The following AGAP1 variants were observed in gnomAD, a reference collection of about 807,000 sequenced individuals.
The protein encoded by AGAP1 is ArfGAP with GTPase domain, ankyrin repeat and PH domain 1.
AGAP1 carries 29 observed loss-of-function variants against 105.3 expected under a neutral mutation model. That is an observed-to-expected ratio of 0.28 (90% CI 0.21 to 0.38). The LOEUF (loss-of-function observed/expected upper bound fraction) is 0.38, where lower values mean the gene tolerates loss of function less well. AGAP1 is among the 10% of genes least tolerant of loss of function. AGAP1 has a pLI of 1.00. For synonymous variants in AGAP1, 509 were observed against 485.9 expected, an observed-to-expected ratio of 1.05 and a Z score of -0.63; for missense variants, 998 against 1,165.1, an observed-to-expected ratio of 0.86 and a Z score of 2.09.
chr2:235,830,837 C>G lies in AGAP1; in HGVS notation c.1050+23506C>G, dbSNP rs573402669. Among the ~76,000 whole-genome samples, 48 of 152,284 alleles carry G rather than the reference C, an allele frequency of 3.2e-4. No individual in the cohort carries two copies. Among genetic ancestry groups the G allele is most frequent in the Non-Finnish European group, 5.4e-4 (37 of 68,026 alleles). ...CCTCATTCTTCTCAGGTCCACCTGT[C>G]GGTAGGCCCAGTAGTCAACTCCTAA... On this transcript the variant is annotated intron_variant, in intron 9 of 17. Coordinates refer to ENST00000304032, the MANE Select transcript of AGAP1 (RefSeq NM_001037131.3). The surrounding 1 kb of genome is among the most constrained non-coding windows in gnomAD (Gnocchi z 5.5).
intron 16 of AGAP1, among the ~76,000 whole-genome samples, chr2:236,069,406 C>T (rs948365209): frequency 6.6e-6 from 1 of 152,034 alleles, no homozygotes; most frequent in East Asian, 1.9e-4. Context: ...ATGAGCATAG[C>T]ACATGATATA....
rs185184806 is a variant in AGAP1 at position 235,569,591 on chromosome 2, T to G, written c.163+74742T>G. 2.1e-3 allele frequency among the ~76,000 whole-genome samples: 324 copies of G among 152,248 alleles called. 1 individual carries two copies. Among genetic ancestry groups the G allele is most frequent in the African/African-American group, 7.6e-3 (314 of 41,560 alleles). On this transcript the variant is annotated intron_variant, in intron 1 of 17. Coordinates refer to ENST00000304032, the MANE Select transcript of AGAP1 (RefSeq NM_001037131.3). The surrounding 1 kb of genome is among the most constrained non-coding windows in gnomAD (Gnocchi z 5.9). Reference sequence around the variant, plus strand: ...AGCATGGTCTGTGAGCAAACCTTCCTGTGGATAGGTTTGGAGGATTCGAAG... The same window carrying G: ...AGCATGGTCTGTGAGCAAACCTTCCGGTGGATAGGTTTGGAGGATTCGAAG...
At chr2:236,100,123 A>G (rs1236467778) in intron 16 of AGAP1, among the ~76,000 whole-genome samples, 1 of 149,820 alleles carries the variant, frequency 6.7e-6, no homozygotes, top group African/African-American at 2.5e-5. Context: ...TTGCAACCGT[A>G]GAGATCCACA....
chr2:235,714,064 A>G lies in AGAP1; in HGVS notation c.223-3493A>G, dbSNP rs1950976996. On this transcript the variant is annotated intron_variant, in intron 2 of 17. Coordinates refer to ENST00000304032, the MANE Select transcript of AGAP1 (RefSeq NM_001037131.3). The surrounding 1 kb of genome is among the most constrained non-coding windows in gnomAD (Gnocchi z 4.1). ...AGTCTCACTCTGTCGCCCAGGCTGG[A>G]GTGCGGTGGTGCAATCTCAGCTCAC... Among the ~76,000 whole-genome samples the G allele has an allele frequency of 6.6e-6, 1 of 151,940 alleles. No homozygotes were observed. The highest frequency in any genetic ancestry group is 6.6e-5 in the Admixed American group (1 of 15,252).
rs534279260 is a variant in AGAP1 at position 235,506,765 on chromosome 2, A to G, written c.163+11916A>G. 5.9e-5 allele frequency among the ~76,000 whole-genome samples: 9 copies of G among 152,258 alleles called. No individual in the cohort carries two copies. In the South Asian group the frequency reaches 1.9e-3, roughly 32 times the overall value. On this transcript the variant is annotated intron_variant, in intron 1 of 17. Coordinates refer to ENST00000304032, the MANE Select transcript of AGAP1 (RefSeq NM_001037131.3). ...GCACACACTCTTGTTTTCCTCACTCACATCCATGTTCATCCTCTTTCCTGT... is the reference window on the plus strand; with the variant it reads ...GCACACACTCTTGTTTTCCTCACTCGCATCCATGTTCATCCTCTTTCCTGT...
intron 9 of AGAP1, among the ~76,000 whole-genome samples, chr2:235,836,888 G>A (rs2106371317): frequency 6.6e-6 from 1 of 152,062 alleles, no homozygotes; most frequent in South Asian, 2.1e-4. Context: ...TACATTCACA[G>A]TTAACTTTCT....
rs1415734142 is a variant in AGAP1, at chr2:235,494,397, C to T, written c.-290C>T. 1 of 143,954 alleles carries T rather than the reference C, an allele frequency of 6.9e-6. No homozygotes were observed. Among genetic ancestry groups the T allele is most frequent in the African/African-American group, 2.5e-5 (1 of 40,166 alleles). 8.9% of individuals were successfully genotyped at this position (143,954 alleles called of 1,614,324 possible). A position where few individuals can be genotyped will look rare whatever the true frequency, so the allele number is the denominator to read the frequency against. On this transcript the variant is annotated 5_prime_UTR_variant, in exon 1 of 18. Coordinates refer to ENST00000304032, the MANE Select transcript of AGAP1 (RefSeq NM_001037131.3). ...CGAGCAAGCCTCCTTCGGGGCCGGC[C>T]GCACCCGCCGCGGCGCGCTCCATGG...
At chr2:235,683,883 T>C (rs534707496) in intron 1 of AGAP1, among the ~76,000 whole-genome samples, 118 of 146,406 alleles carry the variant, frequency 8.1e-4, no homozygotes, top group Non-Finnish European at 1.3e-3. Context: ...GTGTGTGATG[T>C]TCCCCGCCCT....
At chr2:235,698,731 G>C (rs554350878) in intron 1 of AGAP1, among the ~76,000 whole-genome samples, 2 of 152,198 alleles carry the variant, frequency 1.3e-5, no homozygotes, top group Non-Finnish European at 2.9e-5. Flanking sequence ...CTGGCGTTCT[G>C]GTGGTGGCGC....
intron 1 of AGAP1, among the ~76,000 whole-genome samples, chr2:235,576,679 G>A (rs1327483360): frequency 6.6e-6 from 1 of 152,260 alleles, no homozygotes; most frequent in African/African-American, 2.4e-5. Context: ...GAACTCTAGA[G>A]AGGAGGGGGA....
Position 235,750,632 on chromosome 2 carries a change from C to T in AGAP1, c.673+144C>T. 8.3e-7 allele frequency: 1 copy of T among 1,208,872 alleles called. No individual in the cohort carries two copies. The highest frequency in any genetic ancestry group is 1.5e-5 in the African/African-American group (1 of 67,234). The allele number at this position is 1,208,872 out of a possible 1,614,324, so 74.9% of individuals were successfully genotyped here. A position where few individuals can be genotyped will look rare whatever the true frequency, so the allele number is the denominator to read the frequency against. ...GCATTAGTATCGAGAGCAGTCCATTCCAGAGGCAATTCTCAGGTATGTTTC... is the reference window on the plus strand; with the variant it reads ...GCATTAGTATCGAGAGCAGTCCATTTCAGAGGCAATTCTCAGGTATGTTTC... On this transcript the variant is annotated intron_variant, in intron 6 of 17. Transcript: ENST00000304032. The surrounding 1 kb of genome is among the most constrained non-coding windows in gnomAD (Gnocchi z 5.3).
chr2:235,637,782 C>T (rs748472328), intron 1 of AGAP1, among the ~76,000 whole-genome samples: 5 of 152,086 alleles, frequency 3.3e-5, no homozygotes, highest in Non-Finnish European at 7.4e-5. Flanking sequence ...TATGGAGGTC[C>T]AGAAGCCTCA....
intron 13 of AGAP1, among the ~76,000 whole-genome samples, chr2:236,025,352 T>G (rs1460845869): frequency 6.6e-6 from 1 of 152,102 alleles, no homozygotes; most frequent in Non-Finnish European, 1.5e-5. Flanking sequence ...TTTTGATCAT[T>G]TTTAATCTAG....
chr2:236,120,985 G>T lies in AGAP1; in HGVS notation c.2370+538G>T, dbSNP rs2059883821. 6.6e-6 allele frequency among the ~76,000 whole-genome samples: 1 copy of T among 152,268 alleles called. No individual in the cohort carries two copies. The highest frequency in any genetic ancestry group is 2.1e-4 in the South Asian group (1 of 4,834). ...GAGAAGGATAAAGTGGTTGTGCAGA[G>T]AGGCCCTGCCTGTGCCACCCAGGAG... On this transcript the variant is annotated intron_variant, in intron 17 of 17. Coordinates refer to ENST00000304032, the MANE Select transcript of AGAP1 (RefSeq NM_001037131.3). The surrounding 1 kb of genome is among the most constrained non-coding windows in gnomAD (Gnocchi z 6.0).
At chr2:235,775,796 G>T (rs1038401503) in intron 6 of AGAP1, 4 of 152,138 alleles carry the variant, frequency 2.6e-5, no homozygotes, top group African/African-American at 9.7e-5. Context: ...AATACCCCTG[G>T]AAGTATTTCA....
In AGAP1 at chr2:235,777,943, TG is replaced by T. The variant is rs1338719062; in HGVS notation, c.674-19814del. On this transcript the variant is annotated intron_variant, in intron 6 of 17. Transcript: ENST00000304032. The surrounding 1 kb of genome is among the most constrained non-coding windows in gnomAD (Gnocchi z 5.1). ...AGTGGTTGGAAGGAGGGGACTTCCT[TG>T]GCCCCTCCTGGCTCTGCCCTGAGCC... Among the ~76,000 whole-genome samples the T allele has an allele frequency of 6.6e-6, 1 of 152,178 alleles. No individual in the cohort carries two copies. Among genetic ancestry groups the T allele is most frequent in the African/African-American group, 2.4e-5 (1 of 41,448 alleles).
At position 235,714,716 on chromosome 2, in the gene AGAP1, C is replaced by T. The variant is rs765634095; in HGVS notation, c.223-2841C>T. Among the ~76,000 whole-genome samples the T allele has an allele frequency of 5.3e-4, 81 of 152,208 alleles. No individual in the cohort carries two copies. Among genetic ancestry groups the T allele is most frequent in the Non-Finnish European group, 8.1e-4 (55 of 68,026 alleles). The stretch of plus-strand genomic sequence containing the variant: ...TCACTCAGACAGCAGACCACGGTGG[C>T]CTGTAAATCACTGAGAACCTTTTTT... On this transcript the variant is annotated intron_variant, in intron 2 of 17. Coordinates refer to ENST00000304032, the MANE Select transcript of AGAP1 (RefSeq NM_001037131.3). The surrounding 1 kb of genome is among the most constrained non-coding windows in gnomAD (Gnocchi z 4.1).
intron 1 of AGAP1, among the ~76,000 whole-genome samples, chr2:235,590,476 G>C: frequency 6.6e-6 from 1 of 151,992 alleles, no homozygotes; most frequent in Non-Finnish European, 1.5e-5. Context: ...AACAGGTGTG[G>C]GCAGGAAGGG....
At chr2:235,618,235 T>C (rs2149266057) in intron 1 of AGAP1, among the ~76,000 whole-genome samples, 1 of 152,276 alleles carries the variant, frequency 6.6e-6, no homozygotes, top group East Asian at 1.9e-4. Context: ...TCCAAATACA[T>C]GGGATGCTAG....
Sources: allele counts gnomAD v4.1 joint callset (sites outside exome capture counted in the v4.1 genomes callset), GRCh38; gene constraint gnomAD v4.1.1; non-coding constraint Gnocchi (gnomAD v3.1); transcripts MANE v1.5; gene names NCBI Gene and HGNC (gene_info 2026-07-23, HGNC 2026-07-21).